Variants in MEGF11 observed in about 807,000 individuals in gnomAD.
MEGF11 encodes the protein multiple EGF like domains 11, also known as multiple epidermal growth factor-like domains protein 11.
In MEGF11, 126 loss-of-function variants were observed where a neutral mutation model predicts 146.6. That is an observed-to-expected ratio of 0.86 (90% confidence interval 0.74 to 1.00). MEGF11 has a LOEUF of 1.00. MEGF11 is among the 50% of genes least tolerant of loss of function. MEGF11 has a pLI of 0.00. For missense variants in MEGF11, 1,509 were observed against 1,521.2 expected (o/e 0.99, Z 0.13); for synonymous variants, 532 against 583.4 (o/e 0.91, Z 1.27).
intron 1 of MEGF11, among the ~76,000 whole-genome samples, chr15:66,177,467 A>G (rs571029562): frequency 1.3e-5 from 2 of 152,194 alleles, no homozygotes; most frequent in East Asian, 3.9e-4. Flanking sequence ...ATGCACAGTA[A>G]TCTTTCTCCT....
intron 10 of MEGF11, among the ~76,000 whole-genome samples, chr15:65,942,569 TTGC>T (rs1156538240): frequency 6.6e-6 from 1 of 152,154 alleles, no homozygotes; most frequent in Non-Finnish European, 1.5e-5. Context: ...CGGTGCTGTG[TTGC>T]TGCTGCTGAC....
intron 1 of MEGF11, among the ~76,000 whole-genome samples, chr15:66,154,367 C>T (rs976885391): frequency 5.9e-5 from 9 of 152,298 alleles, no homozygotes; most frequent in South Asian, 2.1e-4. Context: ...CTGGGATCTG[C>T]AGCAAAGAGT....
chr15:65,962,953 CG>C lies in MEGF11; in HGVS notation c.1112+1954del, dbSNP rs59800194. Among the ~76,000 whole-genome samples the C allele has an allele frequency of 3.9e-3, 594 of 152,238 alleles. 3 individuals are homozygous for C. The highest frequency in any genetic ancestry group is 0.014 in the African/African-American group (578 of 41,528). ...TCAATATTGGATGGGCTGAGATTAG[CG>C]GGAGAGAAGAGGGGGAGTCCTTTCA... On this transcript the variant is annotated intron_variant, in intron 9 of 25. Transcript: ENST00000395614.
chr15:66,003,601 C>G (rs934832011), intron 5 of MEGF11, among the ~76,000 whole-genome samples: 2 of 152,136 alleles, frequency 1.3e-5, no homozygotes. Context: ...ACCAGCACCC[C>G]ACTTCGAGTC....
At chr15:66,218,132 T>C (rs1474424310) in intron 1 of MEGF11, among the ~76,000 whole-genome samples, 1 of 152,104 alleles carries the variant, frequency 6.6e-6, no homozygotes, top group Non-Finnish European at 1.5e-5. Context: ...GTTGTTACAG[T>C]CGACAATCAC....
intron 23 of MEGF11, 73 bp from the exon 24 acceptor site, chr15:65,906,214 C>A (rs2241446): frequency 9.0e-7 from 1 of 1,115,606 alleles, no homozygotes; most frequent in Non-Finnish European, 1.3e-6. Context: ...GTTCTTCTTT[C>A]TTTTCTTGCT....
chr15:66,008,427 A>G lies in MEGF11; in HGVS notation c.395-25939T>C, dbSNP rs1052787197. Among the ~76,000 whole-genome samples the G allele has an allele frequency of 1.4e-4, 14 of 103,142 alleles. No individual in the cohort carries two copies. In the South Asian group the frequency reaches 3.8e-3, roughly 28 times the overall value. 67.7% of individuals were successfully genotyped at this position (103,142 alleles called of 152,430 possible). On this transcript the variant is annotated intron_variant, in intron 5 of 25. Coordinates refer to ENST00000395614, the MANE Select transcript of MEGF11 (RefSeq NM_001385028.1). ...CGCGCGCGCGCACACACACACACAC[A>G]CACACACACACACACACACACACAA...
intron 13 of MEGF11, among the ~76,000 whole-genome samples, chr15:65,924,716 C>T (rs1883054957): frequency 6.7e-6 from 1 of 149,238 alleles, no homozygotes; most frequent in Admixed American, 6.8e-5. Context: ...GCAACCTCTG[C>T]ATCCGGGGTT....
intron 4 of MEGF11, among the ~76,000 whole-genome samples, chr15:66,113,830 G>A (rs913828175): frequency 2.0e-5 from 3 of 151,880 alleles, no homozygotes; most frequent in Non-Finnish European, 2.9e-5. Flanking sequence ...GCAGTGAGCC[G>A]AGATTGCACC....
chr15:65,917,828 A>G, intron 16 of MEGF11, 138 bp downstream of exon 16: 2 of 935,488 alleles, frequency 2.1e-6, no homozygotes, highest in Non-Finnish European at 3.3e-6. Context: ...ATAGAGCTAA[A>G]TGGGGCTCAT....
chr15:65,928,026 TG>T (rs2079435373), intron 13 of MEGF11, among the ~76,000 whole-genome samples: 1 of 151,954 alleles, frequency 6.6e-6, no homozygotes, highest in Admixed American at 6.6e-5. Flanking sequence ...GTGGTGGCAG[TG>T]GGATGGAGAG....
At chr15:65,944,258 A>G (rs1286593728) in intron 10 of MEGF11, among the ~76,000 whole-genome samples, 1 of 152,208 alleles carries the variant, frequency 6.6e-6, no homozygotes, top group Non-Finnish European at 1.5e-5. Flanking sequence ...ATGTGCCACC[A>G]GAGTGGGTAT....
At chr15:66,139,373 C>T (rs1025756809) in intron 1 of MEGF11, among the ~76,000 whole-genome samples, 2 of 152,090 alleles carry the variant, frequency 1.3e-5, no homozygotes, top group Non-Finnish European at 2.9e-5. Flanking sequence ...CCTGATTAGT[C>T]GTTGTGTATT....
chr15:66,190,043 T>A (rs1047357901), intron 1 of MEGF11, among the ~76,000 whole-genome samples: 4 of 152,162 alleles, frequency 2.6e-5, no homozygotes, highest in Non-Finnish European at 5.9e-5. Context: ...ATGGGCTGCA[T>A]ACTGGAATCA....
intron 1 of MEGF11, among the ~76,000 whole-genome samples, chr15:66,179,866 G>A (rs575463958): frequency 1.5e-5 from 2 of 137,152 alleles, no homozygotes; most frequent in South Asian, 2.4e-4. Context: ...CACACAAACG[G>A]TGCCTAACAG....
chr15:66,078,387 C>G (rs956747798), intron 5 of MEGF11, among the ~76,000 whole-genome samples: 25 of 152,194 alleles, frequency 1.6e-4, no homozygotes, highest in African/African-American at 6.0e-4. Context: ...AGCCGAGTGA[C>G]CTTGGAGGAT....
At chr15:66,146,576 G>A (rs965527346) in intron 1 of MEGF11, among the ~76,000 whole-genome samples, 6 of 152,242 alleles carry the variant, frequency 3.9e-5, no homozygotes, top group Admixed American at 6.5e-5. Flanking sequence ...CACCACGCAC[G>A]CCGACACCTC....
chr15:66,129,019 T>C (rs2088525580), intron 1 of MEGF11, among the ~76,000 whole-genome samples: 2 of 152,222 alleles, frequency 1.3e-5, no homozygotes, highest in South Asian at 2.1e-4. Flanking sequence ...AGTCATCACA[T>C]GCCATTCCCA....
intron 1 of MEGF11, among the ~76,000 whole-genome samples, chr15:66,135,534 C>CCTCCCTGCAGGAAGAGGCCT (rs1230111575): frequency 2.0e-5 from 3 of 152,150 alleles, no homozygotes; most frequent in Non-Finnish European, 4.4e-5. Flanking sequence ...CACCGAGGCC[C>CCTCCCTGCAGGAAGAGGCCT]CTCCCTGCAG....
Sources: allele counts gnomAD v4.1 joint callset (sites outside exome capture counted in the v4.1 genomes callset), GRCh38; gene constraint gnomAD v4.1.1; transcripts MANE v1.5; gene names NCBI Gene and HGNC (gene_info 2026-07-23, HGNC 2026-07-21).